FOXM1: variants seen among roughly 807,000 people sequenced by gnomAD.
FOXM1 encodes the protein forkhead box protein M1.
Under a neutral mutation model 63.6 loss-of-function variants are expected in FOXM1, and 25 were observed. The observed-to-expected ratio is 0.39, with a 90% CI of 0.29 to 0.55. FOXM1 has a LOEUF of 0.55. Ranked by LOEUF, FOXM1 falls within the 20% of genes least tolerant of loss-of-function variation. The pLI is 0.60. For missense variants in FOXM1, 879 were observed against 958.7 expected, an observed-to-expected ratio of 0.92 and a Z score of 1.10; for synonymous variants, 387 against 376.9, an observed-to-expected ratio of 1.03 and a Z score of -0.31.
At chr12:2,860,740 C>T (rs1333577737) in intron 8 of FOXM1, among the ~76,000 whole-genome samples, 2 of 151,666 alleles carry the variant, frequency 1.3e-5, no homozygotes, top group Non-Finnish European at 2.9e-5. Context: ...GGCGTGGTGG[C>T]ATGCACCTGT....
chr12:2,864,393 G>A lies in FOXM1; in HGVS notation c.1193C>T (p.Pro398Leu). 6.2e-7 allele frequency: 1 copy of A among 1,614,140 alleles called. No homozygotes were observed. The highest frequency in any genetic ancestry group is 1.7e-4 in the Middle Eastern group (1 of 6,060). Residue 398 changes from proline to leucine, a missense_variant, in exon 8 of 9, where the codon CCA (proline) becomes CTA (leucine). Pro to Leu is a moderately conservative substitution (Grantham distance 98). Around this residue, in one of 4 missense-constraint regions of FOXM1, gnomAD observed 486 missense variants for 453.5 expected, o/e 1.07. Transcript: ENST00000359843. This position sits in a 1 kb window ranked among gnomAD's most constrained non-coding sequence, Gnocchi z 5.1. Reference protein sequence around the residue: ...SLVLQPSVKVPLPLAASLMSS... With the variant: ...SLVLQPSVKVLLPLAASLMSS... Reference sequence around the variant, plus strand: ...CATGAGGGAAGCCGCCAGGGGCAATGGCACCTTCACCGAGGGCTGCAACAC... The same window carrying A: ...CATGAGGGAAGCCGCCAGGGGCAATAGCACCTTCACCGAGGGCTGCAACAC...
chr12:2,863,078 G>A (rs188903456), intron 8 of FOXM1, among the ~76,000 whole-genome samples: 11 of 152,194 alleles, frequency 7.2e-5, no homozygotes, highest in Admixed American at 2.6e-4. Context: ...ACTCAAGCAG[G>A]GGTGATTCCC....
chr12:2,863,450 G>A (rs2098117597), intron 8 of FOXM1, among the ~76,000 whole-genome samples: 2 of 149,758 alleles, frequency 1.3e-5, no homozygotes, highest in Non-Finnish European at 3.0e-5. Flanking sequence ...GTGCAGTGGT[G>A]CAAACAGGGC....
intron 3 of FOXM1, among the ~76,000 whole-genome samples, chr12:2,870,021 AC>A: frequency 6.9e-6 from 1 of 145,452 alleles, no homozygotes; most frequent in South Asian, 2.2e-4. Flanking sequence ...ACAGAGTTTC[AC>A]TTTTGTTGCC....
Position 2,874,578 on chromosome 12 carries a change from G to A in FOXM1, c.-47-53C>T. 1 of 1,278,966 alleles carries A rather than the reference G, an allele frequency of 7.8e-7. No individual in the cohort carries two copies. The highest frequency in any genetic ancestry group is 1.1e-6 in the Non-Finnish European group (1 of 931,058). 79.2% of individuals were successfully genotyped at this position (1,278,966 alleles called of 1,614,324 possible). On this transcript the variant is annotated intron_variant, in intron 1 of 8. Transcript: ENST00000359843. The surrounding 1 kb of genome is among the most constrained non-coding windows in gnomAD (Gnocchi z 4.3). ...TTAGAGATTGTTTAGGCTGAGAAGAGGTCCTTTTAGAGAAAGGTGCTCCTC... is the reference window on the plus strand; with the variant it reads ...TTAGAGATTGTTTAGGCTGAGAAGAAGTCCTTTTAGAGAAAGGTGCTCCTC...
At chr12:2,866,611 CT>C in intron 4 of FOXM1, 90 bp from the exon 5 acceptor site, 5 of 1,366,514 alleles carry the variant, frequency 3.7e-6, no homozygotes, top group Non-Finnish European at 4.9e-6. Flanking sequence ...CCTCAGGCCC[CT>C]CCCACTGTGC....
At chr12:2,870,957 CAAAAAAAAAA>C (rs11310343) in intron 3 of FOXM1, among the ~76,000 whole-genome samples, 1 of 39,112 alleles carries the variant, frequency 2.6e-5, no homozygotes, top group Non-Finnish European at 4.8e-5. Context: ...GACTACGTCT[CAAAAAAAAAA>C]AAAAAAAAAA....
At chr12:2,865,529 CAGG>C (rs2098121582) in intron 5 of FOXM1, 130 bp from the exon 6 acceptor site, 3 of 635,524 alleles carry the variant, frequency 4.7e-6, no homozygotes, top group Admixed American at 3.4e-5. Context: ...CTGCCCCTCC[CAGG>C]AGAATGGTTA....
At position 2,858,928 on chromosome 12, in the gene FOXM1, G is replaced by A. The variant is rs189481330; in HGVS notation, c.2002C>T (p.Pro668Ser). 3 of 1,613,750 alleles carry A rather than the reference G, an allele frequency of 1.9e-6. No homozygotes were observed. Among genetic ancestry groups the A allele is most frequent in the Middle Eastern group, 1.6e-4 (1 of 6,062 alleles). Residue 668 changes from proline (P) to serine (S), a missense_variant, in exon 9 of 9, where the codon CCC becomes TCC. By Grantham distance (74) the Pro-to-Ser change is moderately conservative. This residue lies in a region of FOXM1 where 486 missense variants were observed against 453.5 expected (regional missense o/e 1.07). Coordinates refer to ENST00000359843, the MANE Select transcript of FOXM1 (RefSeq NM_021953.4). ...AGCCTTTGCGGTGATTCAAGGGGGG[G>A]AGCACTTTGCAAGGGAGTGGTGCTG... ...DLSTTPLQSA[P>S]PLESPQRLLS...
At position 2,858,796 on chromosome 12, in the gene FOXM1, G is replaced by A. The variant is rs1448418903; in HGVS notation, c.2134C>T (p.Leu712Phe). 13 of 1,614,090 alleles carry A rather than the reference G, an allele frequency of 8.1e-6. No individual in the cohort carries two copies. The Admixed American group carries it at 2.0e-4, about 25-fold the overall frequency. The change falls in exon 9 of 9, where the codon CTT becomes TTT. Residue 712 changes from leucine (L) to phenylalanine (F), a missense_variant. Physicochemically the swap from Leu to Phe is conservative, Grantham distance 22. This residue lies in a region of FOXM1 where 486 missense variants were observed against 453.5 expected (regional missense o/e 1.07). Coordinates refer to ENST00000359843, the MANE Select transcript of FOXM1 (RefSeq NM_021953.4). The part of the protein sequence containing the change: ...PGSPEPQVSG[L>F]AANRSLTEGL... The stretch of plus-strand genomic sequence containing the variant: ...TCTGTCAGAGAACGATTGGCTGCAA[G>A]GCCAGAAACCTGTGGCTCCGGGGAG...
At chr12:2,873,398 C>CAAAAAAAAAAAAA (rs1189846694) in intron 2 of FOXM1, among the ~76,000 whole-genome samples, 2 of 57,980 alleles carry the variant, frequency 3.4e-5, no homozygotes, top group East Asian at 1.2e-3. Context: ...GACTCCATCT[C>CAAAAAAAAAAAAA]AAAAAAAAAA....
At chr12:2,862,876 C>T (rs985221214) in intron 8 of FOXM1, among the ~76,000 whole-genome samples, 26 of 151,450 alleles carry the variant, frequency 1.7e-4, no homozygotes, top group African/African-American at 6.1e-4. Context: ...AAAGCAAACC[C>T]AAGTCGCTCT....
chr12:2,864,541 C>G lies in FOXM1; in HGVS notation c.1091-46G>C. On this transcript the variant is annotated intron_variant, in intron 7 of 8. Coordinates refer to ENST00000359843, the MANE Select transcript of FOXM1 (RefSeq NM_021953.4). This position sits in a 1 kb window ranked among gnomAD's most constrained non-coding sequence, Gnocchi z 5.1. ...TCAGGAGCAGGGGGACTGGAGTACA[C>G]CCCTTCTCAGCCCCAGGAGCTTTGC... 1 of 1,594,550 alleles carries G rather than the reference C, an allele frequency of 6.3e-7. No individual in the cohort carries two copies. Among genetic ancestry groups the G allele is most frequent in the East Asian group, 2.2e-5 (1 of 44,590 alleles).
At chr12:2,865,100 C>T (rs1223362943) in intron 6 of FOXM1, among the ~76,000 whole-genome samples, 3 of 152,194 alleles carry the variant, frequency 2.0e-5, no homozygotes, top group South Asian at 2.1e-4. Context: ...TGGTGCCATG[C>T]GCTTGTGGCT....
At chr12:2,861,370 A>G in intron 8 of FOXM1, 1 of 724,286 alleles carries the variant, frequency 1.4e-6, no homozygotes, top group Non-Finnish European at 2.5e-6. Context: ...TCGCCACTAA[A>G]GAACTTACTC....
chr12:2,869,670 C>T (rs1022833218), intron 3 of FOXM1, among the ~76,000 whole-genome samples: 1 of 151,926 alleles, frequency 6.6e-6, no homozygotes, highest in African/African-American at 2.4e-5. Context: ...CTCCTGACCT[C>T]AGGTGATCCA....
chr12:2,869,026 T>C (rs16930048), intron 3 of FOXM1, among the ~76,000 whole-genome samples: 10,964 of 152,250 alleles, frequency 0.072, 1,305 homozygotes, highest in African/African-American at 0.25. Flanking sequence ...TGAAATTTCT[T>C]AGGAAAGTTT....
intron 8 of FOXM1, chr12:2,861,209 C>G (rs2153932912): frequency 1.6e-6 from 1 of 630,216 alleles, no homozygotes; most frequent in South Asian, 1.9e-5. Flanking sequence ...ATAACAAAAC[C>G]TATATAAAAA....
At chr12:2,866,878 C>T (rs28990704) in intron 4 of FOXM1, among the ~76,000 whole-genome samples, 2,512 of 152,286 alleles carry the variant, frequency 0.016, 60 homozygotes, top group African/African-American at 0.057. Flanking sequence ...TTAGGCCCGG[C>T]GTGGTGGCTC....
Sources: gnomAD v4.1 joint callset for allele counts (sites outside exome capture counted in the v4.1 genomes callset) on GRCh38, gnomAD v4.1.1 for gene constraint, gnomAD v4.1.1 regional missense constraint, Gnocchi (gnomAD v3.1) non-coding constraint, MANE v1.5 for transcripts, NCBI Gene and HGNC (gene_info 2026-07-23, HGNC 2026-07-21) for gene names.